MIPOL1: variants seen among roughly 807,000 people sequenced by gnomAD.
MIPOL1 encodes mirror-image polydactyly 1.
In MIPOL1, 57 loss-of-function variants were observed where a neutral mutation model predicts 60.9. The ratio of observed to expected loss-of-function variants is 0.94; its 90% CI spans 0.76 to 1.17. The LOEUF (loss-of-function observed/expected upper bound fraction) is 1.17, where lower values mean the gene tolerates loss of function less well. MIPOL1 is among the 50% of genes most tolerant of loss of function. The probability of loss-of-function intolerance (pLI) is 0.00; values close to 1 mark genes in which losing one functional copy is unlikely to be tolerated. For missense variants in MIPOL1, 551 were observed against 511.6 expected, an observed-to-expected ratio of 1.08 and a Z score of -0.74; for synonymous variants, 179 against 168.8, an observed-to-expected ratio of 1.06 and a Z score of -0.47.
chr14:37,540,324 T>C (rs980303385), intron 12 of MIPOL1, among the ~76,000 whole-genome samples: 3 of 152,218 alleles, frequency 2.0e-5, no homozygotes, highest in Non-Finnish European at 4.4e-5. Flanking sequence ...CTTTCTCTTA[T>C]CAATTTCATT....
chr14:37,472,000 A>C (rs1010922347), intron 11 of MIPOL1, among the ~76,000 whole-genome samples: 1 of 152,182 alleles, frequency 6.6e-6, no homozygotes, highest in African/African-American at 2.4e-5. Flanking sequence ...CAGTGACCCA[A>C]TTCCAAGTAA....
chr14:37,387,604 G>A (rs1732211538), intron 10 of MIPOL1, among the ~76,000 whole-genome samples: 1 of 151,760 alleles, frequency 6.6e-6, no homozygotes, highest in African/African-American at 2.4e-5. Context: ...ATATACCTGT[G>A]ACCTAACTTT....
At chr14:37,378,596 T>G (rs2092839545) in intron 10 of MIPOL1, among the ~76,000 whole-genome samples, 1 of 150,556 alleles carries the variant, frequency 6.6e-6, no homozygotes, top group Non-Finnish European at 1.5e-5. Flanking sequence ...TGTGGTGATA[T>G]TAAAATGTCA....
intron 1 of MIPOL1, among the ~76,000 whole-genome samples, chr14:37,244,577 C>A (rs2153351514): frequency 6.6e-6 from 1 of 151,442 alleles, no homozygotes. Flanking sequence ...TTTTTTCCAT[C>A]ACAACTTATA....
At chr14:37,200,558 A>G (rs1225054198) in intron 1 of MIPOL1, among the ~76,000 whole-genome samples, 1 of 151,930 alleles carries the variant, frequency 6.6e-6, no homozygotes, top group East Asian at 1.9e-4. Flanking sequence ...TTTCTGATTG[A>G]TTAAACTCAA....
At chr14:37,392,856 A>G (rs1005744884) in intron 10 of MIPOL1, among the ~76,000 whole-genome samples, 7 of 152,320 alleles carry the variant, frequency 4.6e-5, no homozygotes, top group South Asian at 4.1e-4. Context: ...GTCTTGTGCA[A>G]CCTGGCTGCC....
chr14:37,520,063 T>C (rs2095401875), intron 12 of MIPOL1, among the ~76,000 whole-genome samples: 1 of 152,186 alleles, frequency 6.6e-6, no homozygotes, highest in African/African-American at 2.4e-5. Flanking sequence ...TTGATCTAAA[T>C]ATGAGAATAT....
chr14:37,441,040 A>G (rs756275632), intron 11 of MIPOL1, among the ~76,000 whole-genome samples: 1 of 152,018 alleles, frequency 6.6e-6, no homozygotes, highest in Non-Finnish European at 1.5e-5. Flanking sequence ...TCATATACCT[A>G]TTGGCTATTT....
chr14:37,286,773 AC>A (rs1468693925), intron 7 of MIPOL1, among the ~76,000 whole-genome samples: 5 of 152,188 alleles, frequency 3.3e-5, no homozygotes, highest in Non-Finnish European at 7.3e-5. Context: ...ATTGAAAAAA[AC>A]AAATCAAGAA....
intron 6 of MIPOL1, 77 bp from the exon 7 acceptor site, chr14:37,285,241 G>A: frequency 6.7e-7 from 1 of 1,482,986 alleles, no homozygotes; most frequent in South Asian, 1.2e-5. Context: ...AATTACTTAT[G>A]GCTTTTATTT....
At chr14:37,337,894 C>G (rs1427130108) in intron 9 of MIPOL1, among the ~76,000 whole-genome samples, 2 of 151,744 alleles carry the variant, frequency 1.3e-5, no homozygotes, top group African/African-American at 4.8e-5. Flanking sequence ...TGATAAAATC[C>G]AATTTATTTT....
At chr14:37,446,457 C>T (rs1413423962) in intron 11 of MIPOL1, among the ~76,000 whole-genome samples, 2 of 152,112 alleles carry the variant, frequency 1.3e-5, no homozygotes, top group African/African-American at 2.4e-5. Context: ...GAAATAGGAA[C>T]ACTTTTACAC....
intron 4 of MIPOL1, among the ~76,000 whole-genome samples, chr14:37,267,448 A>G (rs958591055): frequency 6.6e-6 from 1 of 151,964 alleles, no homozygotes; most frequent in Non-Finnish European, 1.5e-5. Context: ...AGATTGTGCC[A>G]CTGTACTCCA....
rs1399793800 is a variant in MIPOL1, at chr14:37,434,898, T to TGTTTGA, written c.1031+11950_1031+11955dup. Among the ~76,000 whole-genome samples, 16 of 150,968 alleles carry TGTTTGA rather than the reference T, an allele frequency of 1.1e-4. No individual in the cohort carries two copies. The East Asian group carries it at 3.1e-3, about 29-fold the overall frequency. On this transcript the variant is annotated intron_variant, in intron 11 of 12. Coordinates refer to ENST00000684589, the MANE Select transcript of MIPOL1 (RefSeq NM_001388067.1). ...ACCTTCACAGCAACATCTAGATTGC[T>TGTTTGA]GTTTGATCAAATATCTCATTACCGT...
chr14:37,325,340 A>G (rs1293331624), intron 9 of MIPOL1, among the ~76,000 whole-genome samples: 2 of 152,128 alleles, frequency 1.3e-5, no homozygotes, highest in African/African-American at 4.8e-5. Flanking sequence ...TCCTTCAAAG[A>G]AATTAGGAGA....
chr14:37,329,893 C>T (rs1198211778), intron 9 of MIPOL1, among the ~76,000 whole-genome samples: 8 of 152,136 alleles, frequency 5.3e-5, no homozygotes. Flanking sequence ...ACTTAAGAAC[C>T]AACTCATTAC....
chr14:37,489,192 T>G (rs149790776), intron 11 of MIPOL1, among the ~76,000 whole-genome samples: 2 of 152,208 alleles, frequency 1.3e-5, no homozygotes, highest in South Asian at 4.1e-4. Context: ...GTCGTCACAC[T>G]TTATTTCATT....
intron 10 of MIPOL1, among the ~76,000 whole-genome samples, chr14:37,406,903 G>A (rs774237545): frequency 5.3e-5 from 8 of 151,974 alleles, no homozygotes; most frequent in Non-Finnish European, 1.0e-4. Flanking sequence ...TTTCAGAGTT[G>A]GAGTCAAGAA....
chr14:37,316,925 C>T (rs2087973366), intron 9 of MIPOL1, among the ~76,000 whole-genome samples: 1 of 151,966 alleles, frequency 6.6e-6, no homozygotes, highest in Non-Finnish European at 1.5e-5. Flanking sequence ...TTGCAGTGAG[C>T]CGAGATTGTG....
Sources: gnomAD v4.1 joint callset for allele counts (sites outside exome capture counted in the v4.1 genomes callset) on GRCh38, gnomAD v4.1.1 for gene constraint, MANE v1.5 for transcripts, NCBI Gene and HGNC (gene_info 2026-07-23, HGNC 2026-07-21) for gene names.